MYO15B: variants seen among roughly 807,000 people sequenced by gnomAD.
MYO15B encodes myosin XVB.
In MYO15B, 207 loss-of-function variants were observed where a neutral mutation model predicts 119.3. The observed-to-expected ratio is 1.73, with a 90% confidence interval of 1.55 to 1.95. The LOEUF is 1.95. Ranked by LOEUF, MYO15B falls within the 30% of genes most tolerant of loss-of-function variation. The pLI is 0.00. For synonymous variants in MYO15B, 966 were observed against 498.9 expected (o/e 1.94, Z -12.48); for missense variants, 2,264 against 1,203.1 (o/e 1.88, Z -13.04).
At chr17:75,613,260 C>T in intron 27 of MYO15B, 33 bp from the exon 28 acceptor site, 2 of 671,022 alleles carry the variant, frequency 3.0e-6, no homozygotes, top group Middle Eastern at 2.4e-4. Context: ...CTGGATCACC[C>T]TGCCTCCACT....
chr17:75,616,237 G>A (rs558289652), intron 37 of MYO15B, 75 bp from the exon 38 acceptor site: 9 of 589,262 alleles, frequency 1.5e-5, no homozygotes, highest in South Asian at 4.3e-5. Context: ...TCTGCTCCCC[G>A]GAGTTGGTGC....
rs2056376902 is a variant in MYO15B, at chr17:75,590,608, A to C, written c.2187-18A>C. 4.4e-6 allele frequency: 1 copy of C among 227,908 alleles called. No individual in the cohort carries two copies. Among genetic ancestry groups the C allele is most frequent in the Non-Finnish European group, 8.5e-6 (1 of 118,072 alleles). 14.1% of individuals were successfully genotyped at this position (227,908 alleles called of 1,614,324 possible). A position where few individuals can be genotyped will look rare whatever the true frequency, so the allele number is the denominator to read the frequency against. ...TGCAGCCACAACTTGTCATGCCTCC[A>C]CCCTGTTGTCCCTACAGGCTGGTGT... On this transcript the variant is annotated intron_variant, in intron 1 of 63. Coordinates refer to ENST00000645453, the Ensembl canonical transcript of MYO15B.
At chr17:75,626,317 C>A in intron 63 of MYO15B, 89 bp downstream of exon 63, 1 of 698,366 alleles carries the variant, frequency 1.4e-6, no homozygotes, top group Admixed American at 2.0e-5. Flanking sequence ...AGGCCCAGGC[C>A]GATGCCCACT....
intron 12 of MYO15B, among the ~76,000 whole-genome samples, chr17:75,596,044 T>A (rs78712603): frequency 0.019 from 2,925 of 152,294 alleles, 52 homozygotes; most frequent in Non-Finnish European, 0.026. Flanking sequence ...CAAAGCTGCA[T>A]GAAGCTTCCT....
intron 14 of MYO15B, 34 bp from the exon 15 acceptor site, chr17:75,601,404 G>T (rs2057275036): frequency 1.4e-6 from 1 of 701,924 alleles, no homozygotes; most frequent in Non-Finnish European, 2.6e-6. Flanking sequence ...AGCCTGTGCA[G>T]AGGCGTGAAG....
At chr17:75,612,465 G>T (rs1473952453) in intron 25 of MYO15B, among the ~76,000 whole-genome samples, 1 of 152,250 alleles carries the variant, frequency 6.6e-6, no homozygotes, top group Non-Finnish European at 1.5e-5. Flanking sequence ...CTGAGGTCAG[G>T]AGTTTGAGAC....
chr17:75,620,926 G>T, intron 49 of MYO15B, 105 bp from the exon 50 acceptor site: 1 of 702,428 alleles, frequency 1.4e-6, no homozygotes, highest in South Asian at 1.5e-5. Context: ...CCTGGCTTCT[G>T]GTCTTGCTCC....
chr17:75,620,109 C>G (rs914500668), intron 47 of MYO15B, 89 bp downstream of exon 47: 3 of 666,084 alleles, frequency 4.5e-6, no homozygotes, highest in Non-Finnish European at 8.2e-6. Context: ...GGGGCAGGGG[C>G]TGGGAGTTTG....
exon 41 of MYO15B, chr17:75,617,162 C>T (rs994342808): frequency 8.7e-6 from 6 of 691,424 alleles, no homozygotes; most frequent in East Asian, 2.7e-5. Flanking sequence ...AGCTTGGGCC[C>T]TCTAGCTCCA....
chr17:75,605,436 T>TAA (rs35859106), intron 19 of MYO15B, 68 bp from the exon 20 acceptor site: 99,153 of 546,186 alleles, frequency 0.18, 3,336 homozygotes, highest in African/African-American at 0.35. Context: ...GACTCCGTCT[T>TAA]AAAAAAAAAA....
rs909468851 is a variant in MYO15B at position 75,589,236 on chromosome 17, C to A, written c.1179C>A (p.Gly393=). ...GGCTGCGGCGGCGGCCGCCAGAGGG[C>A]GAGGGGCAGGGTACCGGGCCACGGG... Residue 393 remains glycine (G), a synonymous_variant, in exon 1 of 64, where the codon GGC becomes GGA. Transcript: ENST00000645453. This position sits in a 1 kb window ranked among gnomAD's most constrained non-coding sequence, Gnocchi z 4.2. 1.4e-4 allele frequency: 55 copies of A among 400,320 alleles called. No homozygotes were observed. Among genetic ancestry groups the A allele is most frequent in the African/African-American group, 1.0e-3 (50 of 48,276 alleles). The allele number at this position is 400,320 out of a possible 1,614,324, so 24.8% of individuals were successfully genotyped here.
intron 11 of MYO15B, 37 bp downstream of exon 11, chr17:75,594,796 C>CG: frequency 1.4e-6 from 1 of 702,758 alleles, no homozygotes; most frequent in South Asian, 1.5e-5. Flanking sequence ...GAGCAGGGCC[C>CG]GAGGCACGGC....
At chr17:75,620,662 C>G in intron 49 of MYO15B, 26 bp downstream of exon 49, 1 of 694,300 alleles carries the variant, frequency 1.4e-6, no homozygotes, top group Non-Finnish European at 2.6e-6. Flanking sequence ...GAGGGACAAG[C>G]AGAGGCAAGG....
chr17:75,613,838 C>A, intron 29 of MYO15B, 61 bp downstream of exon 29: 1 of 645,198 alleles, frequency 1.5e-6, no homozygotes, highest in Non-Finnish European at 2.8e-6. Context: ...ATACCCTCCT[C>A]CTTCTCCAAG....
At chr17:75,596,996 A>C (rs2056907206) in intron 14 of MYO15B, 97 bp downstream of exon 14, 2 of 605,388 alleles carry the variant, frequency 3.3e-6, no homozygotes, top group Non-Finnish European at 5.9e-6. Flanking sequence ...AGAGGGGACA[A>C]GGTTATGGGA....
Position 75,605,634 on chromosome 17 carries a change from A to G in MYO15B, c.4134+13A>G. On this transcript the variant is annotated intron_variant, in intron 20 of 63. Transcript: ENST00000645453. ...TGGAGCCACCAAGGTGGGTGTGTGT[A>G]TCCCTGTGTGCAGAGGGCAGCATGA... 1.4e-6 allele frequency: 1 copy of G among 702,868 alleles called. No homozygotes were observed. Among genetic ancestry groups the G allele is most frequent in the South Asian group, 1.5e-5 (1 of 67,596 alleles). The allele number at this position is 702,868 out of a possible 1,614,324, so 43.5% of individuals were successfully genotyped here.
rs568658784 is a variant in MYO15B, at chr17:75,605,216, T to C, written c.4017-288T>C. Among the ~76,000 whole-genome samples, 9 of 151,380 alleles carry C rather than the reference T, an allele frequency of 5.9e-5. No homozygotes were observed. In the East Asian group the frequency reaches 1.8e-3, roughly 29 times the overall value. On this transcript the variant is annotated intron_variant, in intron 19 of 63. Transcript: ENST00000645453. ...ACTTTGGGAGGCCGAGGCGGGCAGA[T>C]CACGAGGTCAGGAGATCGAGACCAT...
intron 9 of MYO15B, 167 bp downstream of exon 9, chr17:75,593,007 C>G (rs1224032405): frequency 1.8e-6 from 1 of 569,016 alleles, no homozygotes; most frequent in African/African-American, 1.9e-5. Flanking sequence ...CATAGAGCTT[C>G]TCCACTCTCC....
In MYO15B at chr17:75,617,156, T is replaced by G. The variant is rs781534265; in HGVS notation, c.6666T>G (p.Leu2222=). The change falls in exon 41 of 64, where the codon CTT becomes CTG. Residue 2222 remains leucine, a synonymous_variant. Coordinates refer to ENST00000645453, the Ensembl canonical transcript of MYO15B. ...CTCGACCCAAGGCCCCGCTACAGCT[T>G]GGGCCCTCTAGCTCCATCAAGGAAA... is the stretch of plus-strand genomic sequence containing the variant. The G allele has an allele frequency of 1.9e-5, 13 of 689,012 alleles. No individual in the cohort carries two copies. In the South Asian group the frequency reaches 2.0e-4, roughly 10 times the overall value. The allele number at this position is 689,012 out of a possible 1,614,324, so 42.7% of individuals were successfully genotyped here.
Sources: gnomAD v4.1 joint callset for allele counts (sites outside exome capture counted in the v4.1 genomes callset) on GRCh38, gnomAD v4.1.1 for gene constraint, Gnocchi (gnomAD v3.1) non-coding constraint, MANE v1.5 for transcripts, NCBI Gene and HGNC (gene_info 2026-07-23, HGNC 2026-07-21) for gene names.